The following CERS2 variants were observed in gnomAD, a reference collection of about 807,000 sequenced individuals.
CERS2 encodes the protein LAG1 homolog, ceramide synthase 2.
A neutral mutation model predicts 56.6 loss-of-function variants in CERS2; 20 were observed. The observed-to-expected ratio is 0.35, with a 90% CI of 0.25 to 0.51. The LOEUF is 0.51. Ranked by LOEUF, CERS2 falls within the 20% of genes least tolerant of loss-of-function variation. The probability of loss-of-function intolerance (pLI) is 0.96; values close to 1 mark genes in which losing one functional copy is unlikely to be tolerated. For missense variants in CERS2, 361 were observed against 488.6 expected (o/e 0.74, Z 2.46); for synonymous variants, 187 against 175.4 (o/e 1.07, Z -0.52).
Position 150,965,495 on chromosome 1 carries a change from A to C in CERS2, c.*653T>G, listed in dbSNP as rs1558030742. 1.3e-5 allele frequency: 2 copies of C among 148,476 alleles called. No individual in the cohort carries two copies. Among genetic ancestry groups the C allele is most frequent in the East Asian group, 4.0e-4 (2 of 4,980 alleles). The allele number at this position is 148,476 out of a possible 1,614,324, so 9.2% of individuals were successfully genotyped here. A position where few individuals can be genotyped will look rare whatever the true frequency, so the allele number is the denominator to read the frequency against. Reference sequence around the variant, plus strand: ...GGGGGAAGAGGCCAGAGAAAGGAGGAGGCAGTCAGATCTTAGACCTGTCGC... The same window carrying C: ...GGGGGAAGAGGCCAGAGAAAGGAGGCGGCAGTCAGATCTTAGACCTGTCGC... On this transcript the variant is annotated 3_prime_UTR_variant, in exon 11 of 11. Coordinates refer to ENST00000368954, the MANE Select transcript of CERS2 (RefSeq NM_022075.5).
chr1:150,973,624 G>T (rs1671237881), intron 1 of CERS2, among the ~76,000 whole-genome samples: 1 of 152,202 alleles, frequency 6.6e-6, no homozygotes, highest in African/African-American at 2.4e-5. Flanking sequence ...TACATGTGCA[G>T]CCACTCACAC....
At chr1:150,970,412 G>A (rs1486841437) in intron 1 of CERS2, among the ~76,000 whole-genome samples, 2 of 152,154 alleles carry the variant, frequency 1.3e-5, no homozygotes, top group Non-Finnish European at 2.9e-5. Context: ...GAAAAGTGAA[G>A]GTAGGGCTGC....
At chr1:150,966,373 T>A in intron 10 of CERS2, 85 bp from the exon 11 acceptor site, 1 of 1,595,966 alleles carries the variant, frequency 6.3e-7, no homozygotes, top group South Asian at 1.1e-5. Context: ...GTTCCTGTTA[T>A]ACCCAGGGCT....
chr1:150,967,268 C>T, intron 7 of CERS2, 66 bp from the exon 8 acceptor site: 1 of 1,565,314 alleles, frequency 6.4e-7, no homozygotes, highest in Middle Eastern at 1.7e-4. Flanking sequence ...CCTTCTTACC[C>T]CTTGCCTTTG....
Position 150,968,432 on chromosome 1 carries a change from T to A in CERS2, c.254A>T (p.Glu85Val). Residue 85 changes from glutamate to valine, a missense_variant, in exon 3 of 11, where the codon GAA becomes GTA. Around this residue, in one of 3 missense-constraint regions of CERS2, gnomAD observed 236 missense variants for 309.2 expected, o/e 0.76. Coordinates refer to ENST00000368954, the MANE Select transcript of CERS2 (RefSeq NM_022075.5). ...CTTGCCACTGGTCAGGTAGAAATGT[T>A]CCAAGGTGGCGTTGGGAGGTGCCCG... ...RLRAPPNATL[E>V]HFYLTSGKQP... 6.2e-7 allele frequency: 1 copy of A among 1,614,172 alleles called. No homozygotes were observed. The highest frequency in any genetic ancestry group is 8.5e-7 in the Non-Finnish European group (1 of 1,180,014).
At chr1:150,971,117 G>A (rs988564791) in intron 1 of CERS2, among the ~76,000 whole-genome samples, 3 of 152,326 alleles carry the variant, frequency 2.0e-5, no homozygotes, top group South Asian at 4.1e-4. Context: ...GCAAGAAGCC[G>A]CAGCAGGATG....
Position 150,968,102 on chromosome 1 carries a change from TGAG to T in CERS2, c.388_390del (p.Leu130del). On this transcript the variant is annotated inframe_deletion, in exon 4 of 11. Transcript: ENST00000368954. ...CCCCACCTGGCTTCTCGGAACTTCTTGAGGAGACTGGGCCGGTCCTGGTTGCGG... is the reference window on the plus strand; with the variant it reads ...CCCCACCTGGCTTCTCGGAACTTCTTGAGACTGGGCCGGTCCTGGTTGCGG... 1.9e-6 allele frequency: 3 copies of T among 1,610,134 alleles called. No homozygotes were observed. The highest frequency in any genetic ancestry group is 1.7e-6 in the Non-Finnish European group (2 of 1,179,972).
intron 1 of CERS2, among the ~76,000 whole-genome samples, chr1:150,970,577 A>C (rs1218938883): frequency 6.6e-6 from 1 of 151,716 alleles, no homozygotes; most frequent in Non-Finnish European, 1.5e-5. Context: ...TGCAACCTCC[A>C]CCTCCCAGGT....
In CERS2 at chr1:150,965,332, T is replaced by C. The variant is rs910164510; in HGVS notation, c.*816A>G. 3 of 152,710 alleles carry C rather than the reference T, an allele frequency of 2.0e-5. No homozygotes were observed. The highest frequency in any genetic ancestry group is 4.8e-5 in the African/African-American group (2 of 41,558). 9.5% of individuals were successfully genotyped at this position (152,710 alleles called of 1,614,324 possible). On this transcript the variant is annotated 3_prime_UTR_variant, in exon 11 of 11. Transcript: ENST00000368954. ...ATTAACAGTACATTTTGGTCTAAAA[T>C]GGTCCCTCTGCTGAAATGCTAGGTG...
At chr1:150,972,352 T>A (rs1671202634) in intron 1 of CERS2, among the ~76,000 whole-genome samples, 1 of 152,180 alleles carries the variant, frequency 6.6e-6, no homozygotes, top group African/African-American at 2.4e-5. Flanking sequence ...TCAGGACCTC[T>A]GACTCAACAT....
chr1:150,966,134 G>A lies in CERS2; in HGVS notation c.*14C>T. ...GCTTTATGCATTAATCTGGGAGGCA[G>A]CTGGAGTAATGGTTCAGTCATTCTT... On this transcript the variant is annotated 3_prime_UTR_variant, in exon 11 of 11. Transcript: ENST00000368954. 6.2e-7 allele frequency: 1 copy of A among 1,610,924 alleles called. No homozygotes were observed.
chr1:150,967,389 C>G lies in CERS2; in HGVS notation c.612+3G>C. The G allele has an allele frequency of 6.3e-7, 1 of 1,583,882 alleles. No homozygotes were observed. Among genetic ancestry groups the G allele is most frequent in the East Asian group, 2.2e-5 (1 of 44,714 alleles). ...GGCTTAATTGCACAACCCCTTCACC[C>G]ACCTTTCGCTTGACATCAGAGGCAA... On this transcript the variant is annotated splice_donor_region_variant and intron_variant, in intron 7 of 10. Transcript: ENST00000368954.
At chr1:150,970,009 CTT>C (rs1671136614) in intron 1 of CERS2, among the ~76,000 whole-genome samples, 1 of 152,168 alleles carries the variant, frequency 6.6e-6, no homozygotes, top group Non-Finnish European at 1.5e-5. Flanking sequence ...AGGCTGATCA[CTT>C]GAGCTCAGGA....
chr1:150,966,379 G>A, intron 10 of CERS2, 91 bp from the exon 11 acceptor site: 5 of 1,598,166 alleles, frequency 3.1e-6, no homozygotes, highest in Non-Finnish European at 4.3e-6. Flanking sequence ...GTTATACCCA[G>A]GGCTCCACAC....
rs376323259 is a variant in CERS2 at position 150,967,720 on chromosome 1, G to A, written c.469-6C>T. 6.2e-7 allele frequency: 1 copy of A among 1,613,796 alleles called. No homozygotes were observed. Among genetic ancestry groups the A allele is most frequent in the Non-Finnish European group, 8.5e-7 (1 of 1,179,694 alleles). On this transcript the variant is annotated splice_region_variant and splice_polypyrimidine_tract_variant and intron_variant, in intron 5 of 10. Coordinates refer to ENST00000368954, the MANE Select transcript of CERS2 (RefSeq NM_022075.5). ...ATGTCATAGAACCAGGGTTTCTGCA[G>A]AGAGATGGTGAGAAGTTAAAAGAGG...
At chr1:150,969,299 G>A in intron 1 of CERS2, 1 of 553,210 alleles carries the variant, frequency 1.8e-6, no homozygotes, top group Admixed American at 3.2e-5. Flanking sequence ...TGTTAGGCCG[G>A]CCGTGATGGC....
chr1:150,967,057 A>G lies in CERS2; in HGVS notation c.741+17T>C, dbSNP rs756060543. 9 of 1,613,738 alleles carry G rather than the reference A, an allele frequency of 5.6e-6. No homozygotes were observed. Among genetic ancestry groups the G allele is most frequent in the Non-Finnish European group, 7.6e-6 (9 of 1,179,866 alleles). ...GAAGAACCTGCACCAGGGTCTCTAG[A>G]TTTGAGGAAGCCTGACCTCCAGCAG... On this transcript the variant is annotated intron_variant, in intron 8 of 10. Coordinates refer to ENST00000368954, the MANE Select transcript of CERS2 (RefSeq NM_022075.5).
Position 150,966,868 on chromosome 1 carries a change from T to G in CERS2, c.742-6A>C, listed in dbSNP as rs372456565. On this transcript the variant is annotated splice_region_variant and splice_polypyrimidine_tract_variant and intron_variant, in intron 8 of 10. Transcript: ENST00000368954. ...TAGTTAAACATCTTGGCTGACTGCA[T>G]AGAGAGCCCCCATCCATCATCATGG... 22 of 1,596,020 alleles carry G rather than the reference T, an allele frequency of 1.4e-5. No homozygotes were observed. The African/African-American group carries it at 2.3e-4, about 17-fold the overall frequency.
Position 150,966,865 on chromosome 1 carries a change from G to A in CERS2, c.742-3C>T, listed in dbSNP as rs181930728. On this transcript the variant is annotated splice_region_variant and splice_polypyrimidine_tract_variant and intron_variant, in intron 8 of 10. Transcript: ENST00000368954. ...GCGTAGTTAAACATCTTGGCTGACT[G>A]CATAGAGAGCCCCCATCCATCATCA... is the stretch of plus-strand genomic sequence containing the variant. 1.9e-6 allele frequency: 3 copies of A among 1,596,992 alleles called. No homozygotes were observed. Among genetic ancestry groups the A allele is most frequent in the East Asian group, 2.2e-5 (1 of 44,808 alleles).
Sources: gnomAD v4.1 joint callset for allele counts (sites outside exome capture counted in the v4.1 genomes callset) on GRCh38, gnomAD v4.1.1 for gene constraint, gnomAD v4.1.1 regional missense constraint, MANE v1.5 for transcripts, NCBI Gene and HGNC (gene_info 2026-07-23, HGNC 2026-07-21) for gene names.